Variants in RIT2 observed in about 807,000 individuals in gnomAD.
RIT2 encodes GTP-binding protein Rit2.
Under a neutral mutation model 23.7 loss-of-function variants are expected in RIT2, and 24 were observed. The observed-to-expected ratio is 1.01, with a 90% confidence interval of 0.73 to 1.43. The LOEUF (loss-of-function observed/expected upper bound fraction) is 1.43. RIT2 is among the 40% of genes most tolerant of loss of function. RIT2 has a pLI of 0.00. For missense variants in RIT2, 236 were observed against 266.9 expected, an observed-to-expected ratio of 0.88 and a Z score of 0.81; for synonymous variants, 107 against 91.1, an observed-to-expected ratio of 1.17 and a Z score of -0.99.
chr18:42,796,132 T>C (rs145209903), intron 4 of RIT2, among the ~76,000 whole-genome samples: 1,653 of 152,294 alleles, frequency 0.011, 33 homozygotes, highest in African/African-American at 0.038. Flanking sequence ...ATCTTGCTAC[T>C]GCTCACTCTT....
chr18:42,806,372 G>C (rs551030580), intron 4 of RIT2, among the ~76,000 whole-genome samples: 1 of 151,920 alleles, frequency 6.6e-6, no homozygotes, highest in Non-Finnish European at 1.5e-5. Flanking sequence ...GGGAGGATGA[G>C]GCAGGAGAAT....
intron 2 of RIT2, among the ~76,000 whole-genome samples, chr18:43,023,848 G>A (rs1057001861): frequency 2.6e-5 from 4 of 151,918 alleles, no homozygotes; most frequent in East Asian, 1.9e-4. Flanking sequence ...GTCAGTGTAA[G>A]CATGTTTGAA....
At chr18:42,881,036 C>A (rs924090452) in intron 4 of RIT2, among the ~76,000 whole-genome samples, 2 of 152,008 alleles carry the variant, frequency 1.3e-5, no homozygotes, top group African/African-American at 4.8e-5. Context: ...GAACTTCCAA[C>A]CTCAGGTGAT....
intron 3 of RIT2, among the ~76,000 whole-genome samples, chr18:42,969,367 G>T (rs1051017710): frequency 1.3e-5 from 2 of 152,028 alleles, no homozygotes; most frequent in Non-Finnish European, 2.9e-5. Flanking sequence ...ATAAATTGTG[G>T]CTAAAAAGCA....
intron 2 of RIT2, among the ~76,000 whole-genome samples, chr18:43,002,714 C>T (rs1451912405): frequency 1.3e-5 from 2 of 151,814 alleles, no homozygotes; most frequent in African/African-American, 2.4e-5. Context: ...ACTATAACAC[C>T]TGTTGTCGGA....
At chr18:42,774,194 C>A (rs1197708844) in intron 4 of RIT2, among the ~76,000 whole-genome samples, 2 of 152,100 alleles carry the variant, frequency 1.3e-5, no homozygotes, top group Non-Finnish European at 2.9e-5. Context: ...TGTCTCACTG[C>A]AAGACTAGTA....
intron 4 of RIT2, among the ~76,000 whole-genome samples, chr18:42,807,839 A>C (rs182296297): frequency 2.6e-5 from 4 of 151,792 alleles, no homozygotes; most frequent in Admixed American, 2.0e-4. Flanking sequence ...TCTGAAGGAA[A>C]ATAAATTAGA....
At chr18:42,918,729 G>A (rs1908979422) in intron 4 of RIT2, among the ~76,000 whole-genome samples, 1 of 152,114 alleles carries the variant, frequency 6.6e-6, no homozygotes, top group Non-Finnish European at 1.5e-5. Flanking sequence ...CGCTTGATAT[G>A]TGTGTACTAG....
At chr18:42,830,441 C>T (rs1019600221) in intron 4 of RIT2, among the ~76,000 whole-genome samples, 9 of 152,178 alleles carry the variant, frequency 5.9e-5, no homozygotes, top group Non-Finnish European at 1.2e-4. Flanking sequence ...GTAGTGAGAA[C>T]TCCTTCCTGA....
chr18:42,974,232 A>T (rs1301838457), intron 2 of RIT2, 85 bp from the exon 3 acceptor site: 4 of 827,548 alleles, frequency 4.8e-6, no homozygotes, highest in Non-Finnish European at 7.8e-6. Flanking sequence ...AGAATTTCTA[A>T]GTAAGTTACT....
At chr18:42,843,076 G>T (rs887609136) in intron 4 of RIT2, among the ~76,000 whole-genome samples, 3 of 152,028 alleles carry the variant, frequency 2.0e-5, no homozygotes, top group Non-Finnish European at 4.4e-5. Context: ...CTAAGCATTG[G>T]GAATATAATG....
chr18:42,898,958 G>A (rs1361580285), intron 4 of RIT2, among the ~76,000 whole-genome samples: 1 of 152,050 alleles, frequency 6.6e-6, no homozygotes, highest in Non-Finnish European at 1.5e-5. Flanking sequence ...TACAAATGAT[G>A]CTCACTTTTA....
chr18:42,792,459 A>G (rs1191854589), intron 4 of RIT2, among the ~76,000 whole-genome samples: 1 of 152,156 alleles, frequency 6.6e-6, no homozygotes, highest in African/African-American at 2.4e-5. Flanking sequence ...GCTATTTTCC[A>G]ATCTGTTCTA....
intron 4 of RIT2, among the ~76,000 whole-genome samples, chr18:42,870,807 A>T (rs1907603034): frequency 6.6e-6 from 1 of 152,196 alleles, no homozygotes; most frequent in African/African-American, 2.4e-5. Context: ...CATTCAGAAT[A>T]GAAGTTTAGC....
At chr18:42,856,827 C>CTTTTT (rs756725926) in intron 4 of RIT2, among the ~76,000 whole-genome samples, 255 of 114,592 alleles carry the variant, frequency 2.2e-3, no homozygotes, top group East Asian at 1.0e-2. Context: ...CTCTCTCTCT[C>CTTTTT]TTTTTTTTTT....
At chr18:42,784,446 T>C (rs1401482275) in intron 4 of RIT2, among the ~76,000 whole-genome samples, 1 of 152,008 alleles carries the variant, frequency 6.6e-6, no homozygotes, top group African/African-American at 2.4e-5. Context: ...ATTTCTTCTG[T>C]TGTAGAATGG....
intron 1 of RIT2, among the ~76,000 whole-genome samples, chr18:43,094,123 GTTTTTTTTTTTT>G (rs376144367): frequency 1.7e-5 from 2 of 116,048 alleles, no homozygotes; most frequent in Non-Finnish European, 3.5e-5. Flanking sequence ...GGTTTTTTTT[GTTTTTTTTTTTT>G]TTTTTCACTT....
intron 3 of RIT2, among the ~76,000 whole-genome samples, chr18:42,925,161 C>G (rs1909149392): frequency 6.6e-6 from 1 of 151,304 alleles, no homozygotes; most frequent in South Asian, 2.1e-4. Flanking sequence ...TAACTCAATC[C>G]TAACTTTCAC....
intron 1 of RIT2, among the ~76,000 whole-genome samples, chr18:43,092,710 TCAAAACAG>T (rs1184535037): frequency 1.3e-5 from 2 of 152,012 alleles, no homozygotes; most frequent in African/African-American, 4.8e-5. Context: ...GCATTTTACG[TCAAAACAG>T]TTTCTCAATA....
Sources: gnomAD v4.1 joint callset for allele counts (sites outside exome capture counted in the v4.1 genomes callset) on GRCh38, gnomAD v4.1.1 for gene constraint, MANE v1.5 for transcripts, NCBI Gene and HGNC (gene_info 2026-07-23, HGNC 2026-07-21) for gene names.